Variants in CCKBR observed in about 807,000 individuals in gnomAD.
CCKBR encodes cholecystokinin B receptor.
In CCKBR, 33 loss-of-function variants were observed where a neutral mutation model predicts 34.6. The observed-to-expected ratio is 0.95, with a 90% CI of 0.72 to 1.27. CCKBR has a LOEUF of 1.27. Among genes scored for constraint, CCKBR ranks in the 50% most tolerant of loss-of-function variants. CCKBR has a pLI of 0.00. For missense variants in CCKBR, 652 were observed against 617.4 expected, an observed-to-expected ratio of 1.06 and a Z score of -0.59; for synonymous variants, 269 against 267.5, an observed-to-expected ratio of 1.01 and a Z score of -0.06.
intron 3 of CCKBR, 78 bp downstream of exon 3, chr11:6,270,415 C>T (rs1337791247): frequency 1.3e-6 from 2 of 1,525,812 alleles, no homozygotes; most frequent in Non-Finnish European, 1.8e-6. Flanking sequence ...CCAGAATCTT[C>T]CTCCAGCTTC....
At chr11:6,262,810 C>T (rs901584651) in intron 1 of CCKBR, among the ~76,000 whole-genome samples, 1 of 151,976 alleles carries the variant, frequency 6.6e-6, no homozygotes, top group South Asian at 2.1e-4. Context: ...CGTGTGTGCG[C>T]GTGTGTGTGC....
intron 3 of CCKBR, 142 bp from the exon 4 acceptor site, chr11:6,270,504 C>T: frequency 7.4e-7 from 1 of 1,344,200 alleles, no homozygotes; most frequent in Admixed American, 2.2e-5. Context: ...CCAGTTCTCT[C>T]TCCCTTCCCA....
At chr11:6,266,644 C>T (rs909312769) in intron 1 of CCKBR, among the ~76,000 whole-genome samples, 1 of 152,148 alleles carries the variant, frequency 6.6e-6, no homozygotes, top group Non-Finnish European at 1.5e-5. Flanking sequence ...GGTGTGTGGT[C>T]TTGAGCAAAG....
Position 6,270,039 on chromosome 11 carries a change from G to A in CCKBR, c.404-49G>A, listed in dbSNP as rs752470926. The A allele has an allele frequency of 2.9e-5, 46 of 1,587,222 alleles. No individual in the cohort carries two copies. The Admixed American group carries it at 7.0e-4, about 24-fold the overall frequency. The stretch of plus-strand genomic sequence containing the variant: ...GTGAGGAAGTCCCACTGATGCTTGT[G>A]TAGTGCAAGTTTCCTAGGTGACTCC... On this transcript the variant is annotated intron_variant, in intron 2 of 4. Transcript: ENST00000334619.
At chr11:6,267,188 T>A (rs1848222213) in intron 1 of CCKBR, among the ~76,000 whole-genome samples, 1 of 152,242 alleles carries the variant, frequency 6.6e-6, no homozygotes, top group South Asian at 2.1e-4. Context: ...ACACTAAATG[T>A]ATTTAATAAT....
chr11:6,270,898 G>T, intron 4 of CCKBR, 95 bp downstream of exon 4: 1 of 1,611,072 alleles, frequency 6.2e-7, no homozygotes. Context: ...TGAAGGTGAG[G>T]GTGAGAAGGA....
rs767776959 is a variant in CCKBR, at chr11:6,271,485, C to G, written c.1286C>G (p.Ser429Cys). Residue 429 changes from serine (S) to cysteine (C), a missense_variant, in exon 5 of 5, where the codon TCC becomes TGC. Physicochemically the swap from Ser to Cys is moderately radical, Grantham distance 112. Transcript: ENST00000334619. ...ALPDEDPPTP[S>C]IASLSRLSYT... ...CCCGATGAGGACCCTCCCACTCCCT[C>G]CATTGCTTCGCTGTCCAGGCTTAGC... 1 of 1,611,954 alleles carries G rather than the reference C, an allele frequency of 6.2e-7. No homozygotes were observed. Among genetic ancestry groups the G allele is most frequent in the South Asian group, 1.1e-5 (1 of 91,032 alleles).
chr11:6,268,443 T>C (rs1373575539), intron 1 of CCKBR, among the ~76,000 whole-genome samples: 2 of 152,192 alleles, frequency 1.3e-5, no homozygotes, highest in East Asian at 3.8e-4. Context: ...TTGGCTGTGA[T>C]GTGGTGGTCC....
rs1322004821 is a variant in CCKBR at position 6,268,242 on chromosome 11, T to C, written c.152-1427T>C. ...TGGCTGTAGTTTTCAATTTGGGAGC[T>C]AAAATGAGAATCAGTCAAAGTATGG... On this transcript the variant is annotated intron_variant, in intron 1 of 4. Coordinates refer to ENST00000334619, the MANE Select transcript of CCKBR (RefSeq NM_176875.4). Among the ~76,000 whole-genome samples the C allele has an allele frequency of 1.3e-5, 2 of 152,122 alleles. 1 individual carries two copies. Among genetic ancestry groups the C allele is most frequent in the Admixed American group, 1.3e-4 (2 of 15,278 alleles).
chr11:6,261,454 A>AAAAAAAAAAAT (rs1447691939), intron 1 of CCKBR, among the ~76,000 whole-genome samples: 1 of 60,894 alleles, frequency 1.6e-5, no homozygotes, highest in African/African-American at 6.3e-5. Context: ...AAAAAAAAAA[A>AAAAAAAAAAAT]ATATATATAC....
chr11:6,263,467 ATCT>A (rs762799954), intron 1 of CCKBR, among the ~76,000 whole-genome samples: 1 of 82,380 alleles, frequency 1.2e-5, no homozygotes, highest in Non-Finnish European at 2.2e-5. Context: ...TCAGATTAAC[ATCT>A]TTTTTTTTTT....
chr11:6,261,223 A>G (rs1590664042), intron 1 of CCKBR, among the ~76,000 whole-genome samples: 3 of 152,044 alleles, frequency 2.0e-5, no homozygotes, highest in Admixed American at 1.3e-4. Context: ...CACAATTCCT[A>G]CTTCACAGAG....
Position 6,271,158 on chromosome 11 carries a change from C to T in CCKBR, c.959C>T (p.Pro320Leu). The stretch of plus-strand genomic sequence containing the variant: ...CCTGGGCCGGGATCCGGCTCCCGGC[C>T]CACCCAGGCCAAGCTGCTGGCTAAG... Reference protein sequence around the residue: ...TAPGPGSGSRPTQAKLLAKKR... With the variant: ...TAPGPGSGSRLTQAKLLAKKR... The change falls in exon 5 of 5, where the codon CCC (proline) becomes CTC (leucine). Residue 320 changes from proline to leucine, a missense_variant. Coordinates refer to ENST00000334619, the MANE Select transcript of CCKBR (RefSeq NM_176875.4). 2.5e-6 allele frequency: 4 copies of T among 1,614,138 alleles called. No individual in the cohort carries two copies. The highest frequency in any genetic ancestry group is 1.6e-4 in the Middle Eastern group (1 of 6,062).
At chr11:6,261,402 A>G (rs1848126361) in intron 1 of CCKBR, among the ~76,000 whole-genome samples, 1 of 146,002 alleles carries the variant, frequency 6.8e-6, no homozygotes, top group Admixed American at 7.0e-5. Context: ...AGTCAAAAAA[A>G]TTAGGGAGGC....
Position 6,261,750 on chromosome 11 carries a change from G to A in CCKBR, c.151+1671G>A, listed in dbSNP as rs147966692. On this transcript the variant is annotated intron_variant, in intron 1 of 4. Transcript: ENST00000334619. The stretch of plus-strand genomic sequence containing the variant: ...CATGGACTTTCTCCCGAGGGCAATA[G>A]GAACTACTAAAAGATTCGGTAGTAC... Among the ~76,000 whole-genome samples, 517 of 152,250 alleles carry A rather than the reference G, an allele frequency of 3.4e-3. 2 individuals carry two copies. The highest frequency in any genetic ancestry group is 0.012 in the African/African-American group (502 of 41,538).
At chr11:6,268,101 C>A (rs1848235556) in intron 1 of CCKBR, among the ~76,000 whole-genome samples, 1 of 152,198 alleles carries the variant, frequency 6.6e-6, no homozygotes, top group Admixed American at 6.5e-5. Flanking sequence ...GCCTTGGCCT[C>A]TCAAAGTGCT....
Position 6,269,653 on chromosome 11 carries a change from C to CT in CCKBR, c.152-16_152-15insT. 1.2e-6 allele frequency: 2 copies of CT among 1,610,160 alleles called. No homozygotes were observed. The highest frequency in any genetic ancestry group is 2.2e-5 in the South Asian group (2 of 91,056). On this transcript the variant is annotated splice_polypyrimidine_tract_variant and intron_variant, in intron 1 of 4. Transcript: ENST00000334619. ...AGGCTGACCCCCTACTGCCACCTCT[C>CT]CCTTTTCTTACCCAGAATTGGAGCT...
At chr11:6,264,544 T>C (rs966410339) in intron 1 of CCKBR, 93 of 700,500 alleles carry the variant, frequency 1.3e-4, no homozygotes, top group Non-Finnish European at 1.6e-5. Context: ...AGTCGCCTGG[T>C]CTGATGCCAG....
intron 1 of CCKBR, among the ~76,000 whole-genome samples, chr11:6,265,188 G>A (rs902455906): frequency 1.3e-5 from 2 of 152,212 alleles, no homozygotes; most frequent in Non-Finnish European, 2.9e-5. Context: ...GCAAAGACGT[G>A]TGGAGACAGT....
Sources: gnomAD v4.1 joint callset for allele counts (sites outside exome capture counted in the v4.1 genomes callset) on GRCh38, gnomAD v4.1.1 for gene constraint, MANE v1.5 for transcripts, NCBI Gene and HGNC (gene_info 2026-07-23, HGNC 2026-07-21) for gene names.